The following NTM variants were observed in gnomAD, a reference collection of about 807,000 sequenced individuals.
The protein encoded by NTM is neurotrimin.
NTM carries 13 observed loss-of-function variants against 42.1 expected under a neutral mutation model. The ratio of observed to expected loss-of-function variants is 0.31; its 90% CI spans 0.20 to 0.49. The LOEUF is 0.49. Ranked by LOEUF, NTM falls within the 20% of genes least tolerant of loss-of-function variation. NTM has a pLI of 0.99. For synonymous variants in NTM, 187 were observed against 179.2 expected (o/e 1.04, Z -0.35); for missense variants, 373 against 452.8 (o/e 0.82, Z 1.60).
At chr11:132,021,202 T>C (rs1243021652) in intron 2 of NTM, among the ~76,000 whole-genome samples, 2 of 152,198 alleles carry the variant, frequency 1.3e-5, no homozygotes, top group Non-Finnish European at 2.9e-5. Flanking sequence ...ACTTTTTGTT[T>C]CCATAATTTG....
chr11:131,386,746 C>T (rs1444151812), intron 1 of NTM, among the ~76,000 whole-genome samples: 1 of 152,216 alleles, frequency 6.6e-6, no homozygotes, highest in African/African-American at 2.4e-5. Context: ...GGAGAGACAG[C>T]TGATGAGTGA....
At chr11:131,645,302 G>T (rs895314963) in intron 1 of NTM, among the ~76,000 whole-genome samples, 25 of 152,184 alleles carry the variant, frequency 1.6e-4, no homozygotes, top group African/African-American at 5.8e-4. Context: ...TTCCCAGTAA[G>T]AGGGGTCTCC....
intron 1 of NTM, among the ~76,000 whole-genome samples, chr11:131,870,707 CAGAG>C (rs374028122): frequency 6.6e-6 from 1 of 152,142 alleles, no homozygotes; most frequent in Non-Finnish European, 1.5e-5. Context: ...AGCCAATTCT[CAGAG>C]AGAAAATGAT....
chr11:132,077,786 A>G (rs1247297497), intron 2 of NTM, among the ~76,000 whole-genome samples: 1 of 152,214 alleles, frequency 6.6e-6, no homozygotes, highest in Non-Finnish European at 1.5e-5. Flanking sequence ...TTTTTGGTAG[A>G]GAAAGGATCT....
chr11:131,505,044 G>A (rs931520064), intron 1 of NTM, among the ~76,000 whole-genome samples: 3 of 152,116 alleles, frequency 2.0e-5, no homozygotes, highest in African/African-American at 7.2e-5. Context: ...TACTGCAGGG[G>A]AAAGAGGTGT....
intron 4 of NTM, among the ~76,000 whole-genome samples, chr11:132,284,119 T>C (rs762735172): frequency 2.0e-5 from 3 of 152,082 alleles, no homozygotes; most frequent in Admixed American, 6.5e-5. Flanking sequence ...TAAAATGAAA[T>C]GAGGTATGGG....
chr11:131,902,136 C>A (rs1452356878), intron 1 of NTM, among the ~76,000 whole-genome samples: 2 of 152,298 alleles, frequency 1.3e-5, no homozygotes, highest in East Asian at 3.9e-4. Flanking sequence ...TACAGAAATG[C>A]ATTTTATTAT....
chr11:131,424,285 G>A lies in NTM; in HGVS notation c.82+53397G>A, dbSNP rs557456428. Among the ~76,000 whole-genome samples the A allele has an allele frequency of 2.0e-3, 310 of 152,190 alleles. 2 individuals carry two copies. Among genetic ancestry groups the A allele is most frequent in the African/African-American group, 7.3e-3 (302 of 41,526 alleles). ...CAATTGGATCCCTATGTCCTGCTAAGGTATTTGCATACAGGCTGCCAGGAG... is the reference window on the plus strand; with the variant it reads ...CAATTGGATCCCTATGTCCTGCTAAAGTATTTGCATACAGGCTGCCAGGAG... On this transcript the variant is annotated intron_variant, in intron 1 of 8. Coordinates refer to ENST00000683400, the MANE Select transcript of NTM (RefSeq NM_001352005.2).
At chr11:131,724,764 G>A (rs945608935) in intron 1 of NTM, among the ~76,000 whole-genome samples, 1 of 152,242 alleles carries the variant, frequency 6.6e-6, no homozygotes, top group Admixed American at 6.5e-5. Context: ...TCATGCTGGG[G>A]TGCTGGATCT....
At chr11:132,103,903 C>T (rs770425104) in intron 2 of NTM, among the ~76,000 whole-genome samples, 11 of 152,206 alleles carry the variant, frequency 7.2e-5, no homozygotes, top group Non-Finnish European at 1.3e-4. Context: ...CCCTTGCTGT[C>T]CCTTCAAGTG....
intron 4 of NTM, among the ~76,000 whole-genome samples, chr11:132,298,842 G>T (rs561291997): frequency 6.6e-6 from 1 of 152,024 alleles, no homozygotes; most frequent in Non-Finnish European, 1.5e-5. Context: ...ATATGTGTCA[G>T]GATCTATGAT....
At chr11:131,504,295 T>G (rs568063986) in intron 1 of NTM, among the ~76,000 whole-genome samples, 6 of 152,282 alleles carry the variant, frequency 3.9e-5, no homozygotes, top group African/African-American at 7.2e-5. Flanking sequence ...CCCCTTGGGC[T>G]CACATTCTGG....
At chr11:131,710,574 C>T (rs1160167439) in intron 1 of NTM, among the ~76,000 whole-genome samples, 2 of 152,020 alleles carry the variant, frequency 1.3e-5, no homozygotes, top group African/African-American at 4.8e-5. Flanking sequence ...AGAGTCAGTC[C>T]CTTGCCTTTA....
In NTM at chr11:131,881,067, G is replaced by A. The variant is rs148802734; in HGVS notation, c.83-30497G>A. The stretch of plus-strand genomic sequence containing the variant: ...AGAACCTTCCTATGGAGAGGAATCA[G>A]TGTATTCCCCCATGGTCTGCTTTCC... On this transcript the variant is annotated intron_variant, in intron 1 of 8. Transcript: ENST00000683400. 9.2e-5 allele frequency among the ~76,000 whole-genome samples: 14 copies of A among 152,270 alleles called. No homozygotes were observed. The East Asian group carries it at 2.7e-3, about 29-fold the overall frequency.
chr11:132,313,974 G>T (rs767829442), intron 6 of NTM, among the ~76,000 whole-genome samples: 1 of 152,120 alleles, frequency 6.6e-6, no homozygotes, highest in Non-Finnish European at 1.5e-5. Context: ...AGAGTCCCCT[G>T]ATGAGAAAAA....
In NTM at chr11:132,230,841, A is replaced by G. The variant is rs1013570691; in HGVS notation, c.526+18694A>G. 4.6e-5 allele frequency among the ~76,000 whole-genome samples: 7 copies of G among 152,220 alleles called. 1 individual carries two copies. Among genetic ancestry groups the G allele is most frequent in the Admixed American group, 4.6e-4 (7 of 15,288 alleles). ...GTTCGAGACCAGCCTAGGCAACATAATGAGACCCCCATCTCTACAAAAAAA... is the reference window on the plus strand; with the variant it reads ...GTTCGAGACCAGCCTAGGCAACATAGTGAGACCCCCATCTCTACAAAAAAA... On this transcript the variant is annotated intron_variant, in intron 4 of 8. Coordinates refer to ENST00000683400, the MANE Select transcript of NTM (RefSeq NM_001352005.2).
intron 1 of NTM, among the ~76,000 whole-genome samples, chr11:131,655,593 C>A (rs558322600): frequency 1.3e-5 from 2 of 152,310 alleles, no homozygotes; most frequent in East Asian, 3.9e-4. Context: ...GTGGGCTTGG[C>A]CTGCTGGTGA....
intron 1 of NTM, among the ~76,000 whole-genome samples, chr11:131,751,142 A>G (rs935919248): frequency 1.3e-5 from 2 of 152,124 alleles, no homozygotes; most frequent in African/African-American, 4.8e-5. Flanking sequence ...TATTTTTTAA[A>G]TTATACTTAT....
At chr11:131,522,645 G>A (rs2049911897) in intron 1 of NTM, among the ~76,000 whole-genome samples, 1 of 152,228 alleles carries the variant, frequency 6.6e-6, no homozygotes, top group Non-Finnish European at 1.5e-5. Context: ...AAGGTTGGAA[G>A]AACTGGGATT....
Sources: gnomAD v4.1 joint callset for allele counts (sites outside exome capture counted in the v4.1 genomes callset) on GRCh38, gnomAD v4.1.1 for gene constraint, MANE v1.5 for transcripts, NCBI Gene and HGNC (gene_info 2026-07-23, HGNC 2026-07-21) for gene names.